The following ENKUR variants were observed in gnomAD, a reference collection of about 807,000 sequenced individuals.
The protein encoded by ENKUR is enkurin, TRPC channel interacting protein.
A neutral mutation model predicts 27.6 loss-of-function variants in ENKUR; 19 were observed. The ratio of observed to expected loss-of-function variants is 0.69; its 90% confidence interval spans 0.48 to 1.01. The LOEUF is 1.01. Ranked by LOEUF, ENKUR falls within the 50% of genes least tolerant of loss-of-function variation. The pLI is 0.00. For missense variants in ENKUR, 312 were observed against 310.5 expected, an observed-to-expected ratio of 1.00 and a Z score of -0.04; for synonymous variants, 117 against 96.9, an observed-to-expected ratio of 1.21 and a Z score of -1.22.
intron 2 of ENKUR, among the ~76,000 whole-genome samples, chr10:25,042,138 C>T (rs1383533857): frequency 6.6e-6 from 1 of 151,732 alleles, no homozygotes; most frequent in Non-Finnish European, 1.5e-5. Context: ...AGTAAAGAGG[C>T]ATTGTATCTG....
intron 2 of ENKUR, among the ~76,000 whole-genome samples, chr10:25,054,629 C>G (rs1419544968): frequency 6.7e-6 from 1 of 148,544 alleles, no homozygotes; most frequent in East Asian, 2.0e-4. Context: ...AGAAGGTGCT[C>G]TCTTATTTCT....
chr10:25,041,525 A>G (rs1256053188), intron 2 of ENKUR, among the ~76,000 whole-genome samples: 1 of 152,012 alleles, frequency 6.6e-6, no homozygotes, highest in African/African-American at 2.4e-5. Context: ...CTAGTTACAT[A>G]TATACTAGAT....
chr10:25,022,767 A>G (rs1409561636), intron 2 of ENKUR, among the ~76,000 whole-genome samples: 1 of 152,198 alleles, frequency 6.6e-6, no homozygotes, highest in African/African-American at 2.4e-5. Context: ...CCAACTCCAA[A>G]TCATCTTTAT....
intron 2 of ENKUR, among the ~76,000 whole-genome samples, chr10:24,998,781 T>TA (rs1019799913): frequency 5.3e-5 from 8 of 151,942 alleles, no homozygotes; most frequent in Non-Finnish European, 7.4e-5. Context: ...TGAGGCCCAG[T>TA]AAAAAATAAA....
chr10:25,038,462 C>T lies in ENKUR; in HGVS notation c.37+22650G>A, dbSNP rs185615717. ...CAATTTAACTTCATTATAGTGACAGCAAGCATCCTTCTTGTCTATACAGAC... is the reference window on the plus strand; with the variant it reads ...CAATTTAACTTCATTATAGTGACAGTAAGCATCCTTCTTGTCTATACAGAC... On this transcript the variant is annotated intron_variant, in intron 2 of 5. Transcript: ENST00000615958. Among the ~76,000 whole-genome samples, 801 of 152,280 alleles carry T rather than the reference C, an allele frequency of 5.3e-3. 3 individuals carry two copies. The highest frequency in any genetic ancestry group is 9.1e-3 in the Non-Finnish European group (616 of 68,010).
chr10:24,999,673 T>C, intron 1 of ENKUR, 127 bp from the exon 2 acceptor site: 1 of 854,152 alleles, frequency 1.2e-6, no homozygotes, highest in Non-Finnish European at 1.8e-6. Flanking sequence ...AGCATAATCA[T>C]AAAACATACT....
intron 2 of ENKUR, among the ~76,000 whole-genome samples, chr10:25,056,867 C>G (rs991890886): frequency 6.6e-6 from 1 of 152,166 alleles, no homozygotes; most frequent in Non-Finnish European, 1.5e-5. Context: ...CTAAATGAGA[C>G]AGGCACCTGC....
intron 2 of ENKUR, among the ~76,000 whole-genome samples, chr10:25,046,879 C>A (rs1458808305): frequency 1.3e-5 from 2 of 152,130 alleles, no homozygotes; most frequent in African/African-American, 4.8e-5. Flanking sequence ...TGAAAGTAAG[C>A]CCTCTGTGTT....
chr10:25,046,512 C>T (rs888721524), intron 2 of ENKUR, among the ~76,000 whole-genome samples: 14 of 152,198 alleles, frequency 9.2e-5, no homozygotes, highest in African/African-American at 3.4e-4. Context: ...GCCAGATCAC[C>T]TGTGTGCATC....
upstream of ENKUR, among the ~76,000 whole-genome samples, chr10:25,020,248 A>ATCTATG (rs1304378737): frequency 7.4e-6 from 1 of 135,112 alleles, no homozygotes; most frequent in African/African-American, 2.5e-5. Context: ...ATATATCTAT[A>ATCTATG]TCTATATCTA....
At chr10:25,058,945 A>G (rs1303535693) in intron 2 of ENKUR, among the ~76,000 whole-genome samples, 2 of 138,946 alleles carry the variant, frequency 1.4e-5, no homozygotes, top group African/African-American at 5.5e-5. Context: ...AAAAAAAAAA[A>G]GTAAGGAGGG....
chr10:25,017,252 T>C (rs1850619786), upstream of ENKUR, among the ~76,000 whole-genome samples: 1 of 152,230 alleles, frequency 6.6e-6, no homozygotes, highest in South Asian at 2.1e-4. Context: ...GAAGCGGTTT[T>C]ATTCCTTTTT....
rs111437247 is a variant in ENKUR, at chr10:25,058,282, A to T, written c.37+2830T>A. 4.2e-3 allele frequency among the ~76,000 whole-genome samples: 633 copies of T among 152,150 alleles called. 3 individuals carry two copies. The highest frequency in any genetic ancestry group is 0.014 in the African/African-American group (593 of 41,516). On this transcript the variant is annotated intron_variant, in intron 2 of 5. Coordinates refer to the ENKUR transcript ENST00000615958. ...GAGTACAGTGGTATGATCACAGCTCACTGCAGCTTTGAACTCCTGGGTTCA... is the reference window on the plus strand; with the variant it reads ...GAGTACAGTGGTATGATCACAGCTCTCTGCAGCTTTGAACTCCTGGGTTCA...
At chr10:25,006,490 T>A (rs1850317268) in intron 1 of ENKUR, among the ~76,000 whole-genome samples, 1 of 152,208 alleles carries the variant, frequency 6.6e-6, no homozygotes, top group Admixed American at 6.5e-5. Context: ...TCTTCCTTGA[T>A]GGGCTGGCTG....
At chr10:25,054,672 G>A (rs1437831896) in intron 2 of ENKUR, among the ~76,000 whole-genome samples, 6 of 148,798 alleles carry the variant, frequency 4.0e-5, no homozygotes, top group Non-Finnish European at 7.4e-5. Context: ...TTTCTATGAT[G>A]TGGGCGATTA....
At chr10:25,023,743 G>C in intron 2 of ENKUR, 2 of 1,613,914 alleles carry the variant, frequency 1.2e-6, no homozygotes, top group Non-Finnish European at 1.7e-6. Context: ...AGATAGGATT[G>C]TAGGTCAGAA....
chr10:25,023,116 A>G (rs961576765), intron 2 of ENKUR: 20 of 1,044,850 alleles, frequency 1.9e-5, no homozygotes, highest in African/African-American at 3.2e-5. Flanking sequence ...TTAACAATCT[A>G]CTGTAATTAG....
rs752878515 is a variant in ENKUR at position 24,995,634 on chromosome 10, C to A, written c.447+12G>T. On this transcript the variant is annotated intron_variant, in intron 3 of 5. Coordinates refer to ENST00000331161, the MANE Select transcript of ENKUR (RefSeq NM_145010.4). ...GAATTTCAGCCCTCTTATTAATATA[C>A]CACAAGGCTACCTTTTTATTGATGT... 7 of 1,603,208 alleles carry A rather than the reference C, an allele frequency of 4.4e-6. No homozygotes were observed. The highest frequency in any genetic ancestry group is 6.0e-6 in the Non-Finnish European group (7 of 1,174,742).
intron 2 of ENKUR, among the ~76,000 whole-genome samples, chr10:25,046,001 A>C (rs1851118107): frequency 6.6e-6 from 1 of 152,228 alleles, no homozygotes; most frequent in Admixed American, 6.5e-5. Context: ...ATTTCCAGAA[A>C]TTATTTAAGT....
Sources: gnomAD v4.1 joint callset for allele counts (sites outside exome capture counted in the v4.1 genomes callset) on GRCh38, gnomAD v4.1.1 for gene constraint, MANE v1.5 for transcripts, NCBI Gene and HGNC (gene_info 2026-07-23, HGNC 2026-07-21) for gene names.